The following SCNN1B variants were observed in gnomAD, a reference collection of about 807,000 sequenced individuals.
SCNN1B encodes sodium channel epithelial 1 subunit beta.
A neutral mutation model predicts 65.3 loss-of-function variants in SCNN1B; 46 were observed. The ratio of observed to expected loss-of-function variants is 0.70; its 90% confidence interval spans 0.56 to 0.90. The LOEUF (loss-of-function observed/expected upper bound fraction) is 0.90. SCNN1B is among the 40% of genes least tolerant of loss of function. The pLI is 0.00. For missense variants in SCNN1B, 751 were observed against 830.5 expected, an observed-to-expected ratio of 0.90 and a Z score of 1.18; for synonymous variants, 349 against 330.6, an observed-to-expected ratio of 1.06 and a Z score of -0.60.
At chr16:23,379,571 A>G (rs904908702) in intron 11 of SCNN1B, among the ~76,000 whole-genome samples, 3 of 152,170 alleles carry the variant, frequency 2.0e-5, no homozygotes, top group Admixed American at 2.0e-4. Flanking sequence ...CAGCCTGAGG[A>G]CGATCAGGTG....
chr16:23,353,729 A>G (rs559136048), intron 3 of SCNN1B, among the ~76,000 whole-genome samples: 2 of 152,362 alleles, frequency 1.3e-5, no homozygotes, highest in African/African-American at 4.8e-5. Context: ...ATCAAAAGAT[A>G]GGGGCATAAA....
chr16:23,301,523 T>C (rs915188557), upstream of SCNN1B, among the ~76,000 whole-genome samples: 1 of 152,064 alleles, frequency 6.6e-6, no homozygotes, highest in African/African-American at 2.4e-5. Context: ...AGACAATCTA[T>C]GGAGAAATAT....
At chr16:23,322,723 A>T (rs1298651041) in intron 1 of SCNN1B, among the ~76,000 whole-genome samples, 1 of 152,232 alleles carries the variant, frequency 6.6e-6, no homozygotes, top group Non-Finnish European at 1.5e-5. Context: ...ACTTCAACAT[A>T]TAATCAATAT....
In SCNN1B at chr16:23,377,574, C is replaced by CATTCCTTCTCCCTT. The variant is rs1962928954; in HGVS notation, c.1404+188_1404+189insATTCCTTCTCCCTT. Among the ~76,000 whole-genome samples the CATTCCTTCTCCCTT allele has an allele frequency of 3.2e-5, 4 of 125,062 alleles. 1 individual carries two copies. In the South Asian group the frequency reaches 7.8e-4, roughly 24 times the overall value. The allele number at this position is 125,062 out of a possible 152,430, so 82.0% of individuals were successfully genotyped here. ...CCTTCCTTCCTTCCTCCTCTCTTTT[C>CATTCCTTCTCCCTT]CCTTCCTCCCTCCCTTCTCCCTTCC... On this transcript the variant is annotated intron_variant, in intron 10 of 12. Coordinates refer to ENST00000343070, the MANE Select transcript of SCNN1B (RefSeq NM_000336.3).
At position 23,352,781 on chromosome 16, in the gene SCNN1B, C is replaced by A; in HGVS notation, c.312-20C>A. The A allele has an allele frequency of 1.2e-6, 2 of 1,614,044 alleles. No individual in the cohort carries two copies. The highest frequency in any genetic ancestry group is 2.2e-5 in the East Asian group (1 of 44,886). ...ACAGATATGCATTCCTTCCCCCTAA[C>A]CAGCCCTCTCCCCATCCAGGTATTC... On this transcript the variant is annotated intron_variant, in intron 2 of 12. Coordinates refer to ENST00000343070, the MANE Select transcript of SCNN1B (RefSeq NM_000336.3).
At chr16:23,364,863 C>A (rs761525959) in intron 4 of SCNN1B, among the ~76,000 whole-genome samples, 1 of 151,764 alleles carries the variant, frequency 6.6e-6, no homozygotes, top group Admixed American at 6.6e-5. Context: ...TGGTGGCTCA[C>A]GCCTGTAATC....
intron 5 of SCNN1B, 137 bp downstream of exon 5, chr16:23,368,096 G>C: frequency 1.3e-6 from 1 of 777,934 alleles, no homozygotes; most frequent in Non-Finnish European, 2.3e-6. Context: ...TGCTACCGAG[G>C]CTCTACTGTG....
intron 2 of SCNN1B, among the ~76,000 whole-genome samples, chr16:23,293,114 C>CAAAAAAAAAAAAAAAAAA (rs1191618996): frequency 1.5e-4 from 5 of 34,180 alleles, no homozygotes; most frequent in African/African-American, 3.0e-4. Flanking sequence ...GACTCATTCT[C>CAAAAAAAAAAAAAAAAAA]AAAAAAAAAA....
chr16:23,363,011 T>C (rs981321443), intron 4 of SCNN1B, among the ~76,000 whole-genome samples: 1 of 152,200 alleles, frequency 6.6e-6, no homozygotes, highest in African/African-American at 2.4e-5. Flanking sequence ...GACTTAGCCA[T>C]CGCTTACTTG....
At chr16:23,368,113 G>A (rs1204143550) in intron 5 of SCNN1B, among the ~76,000 whole-genome samples, 154 bp downstream of exon 5, 1 of 152,208 alleles carries the variant, frequency 6.6e-6, no homozygotes, top group Non-Finnish European at 1.5e-5. Context: ...TGTGTGCCAG[G>A]GGAGGCCAGG....
chr16:23,340,862 T>C (rs1434790488), intron 1 of SCNN1B, among the ~76,000 whole-genome samples: 1 of 151,996 alleles, frequency 6.6e-6, no homozygotes, highest in Admixed American at 6.6e-5. Context: ...CAACTTGTTT[T>C]TATTTTTCAT....
rs1567304486 is a variant in SCNN1B, at chr16:23,343,643, GAAAGAA to G, written c.-8-4945_-8-4940del. Among the ~76,000 whole-genome samples, 3 of 108,280 alleles carry G rather than the reference GAAAGAA, an allele frequency of 2.8e-5. 1 individual carries two copies. Among genetic ancestry groups the G allele is most frequent in the Non-Finnish European group, 5.8e-5 (3 of 52,082 alleles). 71.0% of individuals were successfully genotyped at this position (108,280 alleles called of 152,430 possible). ...AGAAAGAAAGAAAGAAAGAAAGAAAGAAAGAAAAAAAGAAAGGAAGGAAGGAAGAAA... is the reference window on the plus strand; with the variant it reads ...AGAAAGAAAGAAAGAAAGAAAGAAAGAAAAAGAAAGGAAGGAAGGAAGAAA... On this transcript the variant is annotated intron_variant, in intron 1 of 12. Transcript: ENST00000343070.
At chr16:23,304,232 C>G (rs1961145775) in intron 1 of SCNN1B, 1 of 691,674 alleles carries the variant, frequency 1.4e-6, no homozygotes, top group African/African-American at 1.8e-5. Flanking sequence ...CCACTGCTCA[C>G]ATACGGACCC....
intron 1 of SCNN1B, among the ~76,000 whole-genome samples, chr16:23,314,340 T>A (rs564481032): frequency 6.6e-6 from 1 of 152,304 alleles, no homozygotes; most frequent in Non-Finnish European, 1.5e-5. Context: ...GTACAATTAT[T>A]ATCCCCCTTT....
At chr16:23,367,755 C>T (rs1243835136) in intron 4 of SCNN1B, 101 bp from the exon 5 acceptor site, 19 of 928,044 alleles carry the variant, frequency 2.0e-5, no homozygotes, top group East Asian at 4.8e-5. Context: ...CTCTCCCTTT[C>T]GGAGCCCCTC....
chr16:23,284,628 G>A (rs1960826494), intron 2 of SCNN1B, among the ~76,000 whole-genome samples: 1 of 152,082 alleles, frequency 6.6e-6, no homozygotes. Context: ...AACCCAGAGG[G>A]AGCAACCTCA....
At chr16:23,314,868 T>C (rs2141988332) in intron 1 of SCNN1B, among the ~76,000 whole-genome samples, 1 of 152,312 alleles carries the variant, frequency 6.6e-6, no homozygotes, top group Middle Eastern at 3.4e-3. Context: ...GAGGGGACCA[T>C]GGACCCTGGG....
In SCNN1B at chr16:23,375,829, G is replaced by A. The variant is rs1369106757; in HGVS notation, c.1244G>A (p.Cys415Tyr). ...LYPLPRGEKY[C>Y]NNRDFPDWAH... is the part of the protein sequence containing the mutation. ...CCACTGCCCCGTGGGGAGAAATACT[G>A]CAACAACCGGGACTTCCCAGACTGG... is the stretch of plus-strand genomic sequence containing the variant. The change falls in exon 8 of 13, where the codon TGC becomes TAC. Residue 415 changes from cysteine to tyrosine, a missense_variant. By Grantham distance (194) the Cys-to-Tyr change is radical (BLOSUM62 -2). Coordinates refer to ENST00000343070, the MANE Select transcript of SCNN1B (RefSeq NM_000336.3). 1.2e-6 allele frequency: 2 copies of A among 1,613,414 alleles called. No homozygotes were observed. The highest frequency in any genetic ancestry group is 1.7e-5 in the Admixed American group (1 of 60,022).
chr16:23,319,031 G>A (rs979637823), intron 1 of SCNN1B, among the ~76,000 whole-genome samples: 1 of 136,902 alleles, frequency 7.3e-6, no homozygotes, highest in South Asian at 2.4e-4. Flanking sequence ...TTTTTTGGGG[G>A]TTTTGTTTGT....
Sources: allele counts gnomAD v4.1 joint callset (sites outside exome capture counted in the v4.1 genomes callset), GRCh38; gene constraint gnomAD v4.1.1; transcripts MANE v1.5; gene names NCBI Gene and HGNC (gene_info 2026-07-23, HGNC 2026-07-21).